ORC5: variants seen among roughly 807,000 people sequenced by gnomAD.
ORC5 encodes the protein protein phosphatase 1, regulatory subunit 117.
In ORC5, 39 loss-of-function variants were observed where a neutral mutation model predicts 58.8. The observed-to-expected ratio is 0.66, with a 90% CI of 0.51 to 0.87. The LOEUF is 0.87. Ranked by LOEUF, ORC5 falls within the 40% of genes least tolerant of loss-of-function variation. The probability of loss-of-function intolerance (pLI) is 0.00; values close to 1 mark genes in which losing one functional copy is unlikely to be tolerated. For synonymous variants in ORC5, 218 were observed against 177.6 expected (o/e 1.23, Z -1.81); for missense variants, 493 against 506.3 (o/e 0.97, Z 0.25).
At chr7:104,204,278 G>C (rs1267461165) in intron 1 of ORC5, 44 bp from the exon 2 acceptor site, 1 of 1,072,394 alleles carries the variant, frequency 9.3e-7, no homozygotes, top group Non-Finnish European at 1.4e-6. Flanking sequence ...ATACAAAATA[G>C]AAAATAAACA....
chr7:104,203,584 T>C (rs775473160), intron 2 of ORC5, among the ~76,000 whole-genome samples: 2 of 152,354 alleles, frequency 1.3e-5, no homozygotes, highest in Middle Eastern at 3.4e-3. Flanking sequence ...GTTGTCACTA[T>C]GAGCCAACTT....
intron 11 of ORC5, among the ~76,000 whole-genome samples, chr7:104,161,673 C>T (rs1465003962): frequency 6.6e-6 from 1 of 151,422 alleles, no homozygotes; most frequent in Admixed American, 6.6e-5. Context: ...CATACCCAGC[C>T]ATGAGCCACC....
At chr7:104,184,214 C>A (rs200547080) in intron 6 of ORC5, 43 bp from the exon 7 acceptor site, 2 of 1,202,456 alleles carry the variant, frequency 1.7e-6, no homozygotes, top group Admixed American at 2.5e-5. Flanking sequence ...AAGCACTGAT[C>A]GATCACAATT....
At chr7:104,151,885 A>C (rs962064201) in intron 12 of ORC5, among the ~76,000 whole-genome samples, 2 of 152,194 alleles carry the variant, frequency 1.3e-5, no homozygotes, top group Non-Finnish European at 2.9e-5. Flanking sequence ...GAATTCAATT[A>C]ACCACCACCA....
chr7:104,152,172 G>A (rs143904049), intron 12 of ORC5, among the ~76,000 whole-genome samples: 2 of 152,190 alleles, frequency 1.3e-5, no homozygotes, highest in African/African-American at 2.4e-5. Context: ...TTGGGGGGAT[G>A]GAGTCTTGCT....
chr7:104,158,036 A>G (rs978937288), intron 12 of ORC5, among the ~76,000 whole-genome samples: 1 of 152,146 alleles, frequency 6.6e-6, no homozygotes, highest in Non-Finnish European at 1.5e-5. Flanking sequence ...ACCCATTTAT[A>G]CATTTCTGTA....
chr7:104,204,210 T>C lies in ORC5; in HGVS notation c.97A>G (p.Ile33Val), dbSNP rs1390064546. 3 of 1,600,092 alleles carry C rather than the reference T, an allele frequency of 1.9e-6. No homozygotes were observed. The African/African-American group carries it at 4.0e-5, about 21-fold the overall frequency. Residue 33 changes from isoleucine to valine, a missense_variant, in exon 2 of 14, where the codon ATT becomes GTT. By Grantham distance (29) the Ile-to-Val change is conservative. Coordinates refer to ENST00000297431, the MANE Select transcript of ORC5 (RefSeq NM_002553.4). ...CTAGCAGTATGTCCATAAATAAAAA[T>C]GGATGGAAAGCTGAAATGATGTCTC... ...GERHHFSFPSIFIYGHTASGK... is the reference protein window; with the variant it reads ...GERHHFSFPSVFIYGHTASGK...
chr7:104,185,799 A>AAT (rs1554355377), intron 6 of ORC5, among the ~76,000 whole-genome samples: 2 of 151,784 alleles, frequency 1.3e-5, no homozygotes, highest in Admixed American at 6.6e-5. Flanking sequence ...ATTTAAAAAA[A>AAT]ATATATATAT....
At chr7:104,167,370 C>T (rs1799125560) in intron 9 of ORC5, among the ~76,000 whole-genome samples, 1 of 152,110 alleles carries the variant, frequency 6.6e-6, no homozygotes, top group African/African-American at 2.4e-5. Flanking sequence ...TCCCTAAATT[C>T]TGAAAAATCA....
chr7:104,187,605 A>G (rs1356176449), intron 6 of ORC5: 1 of 274,462 alleles, frequency 3.6e-6, no homozygotes, highest in Non-Finnish European at 5.5e-6. Context: ...GAAAACAGAA[A>G]TTCTTGTCTC....
At chr7:104,199,644 CT>C in intron 3 of ORC5, among the ~76,000 whole-genome samples, 1 of 152,332 alleles carries the variant, frequency 6.6e-6, no homozygotes, top group East Asian at 1.9e-4. Context: ...AACTAACTTA[CT>C]TTTGATTTTA....
chr7:104,179,960 T>C (rs1799401596), intron 8 of ORC5, among the ~76,000 whole-genome samples: 1 of 152,252 alleles, frequency 6.6e-6, no homozygotes, highest in Non-Finnish European at 1.5e-5. Context: ...TGTTAAAGTC[T>C]AACTCTAAAA....
chr7:104,154,694 GA>G (rs1051715026), intron 12 of ORC5, among the ~76,000 whole-genome samples: 2 of 150,816 alleles, frequency 1.3e-5, no homozygotes, highest in Admixed American at 1.3e-4. Flanking sequence ...TCCAACCATG[GA>G]AAAAAAATAA....
In ORC5 at chr7:104,184,043, A is replaced by G; in HGVS notation, c.734-10T>C. 1 of 1,606,452 alleles carries G rather than the reference A, an allele frequency of 6.2e-7. No individual in the cohort carries two copies. The highest frequency in any genetic ancestry group is 8.5e-7 in the Non-Finnish European group (1 of 1,176,754). The stretch of plus-strand genomic sequence containing the variant: ...GTATCACGTTCACTTGCTACCCCAA[A>G]GGGAAGAAAATTTCAGTAATTTATA... On this transcript the variant is annotated splice_polypyrimidine_tract_variant and intron_variant, in intron 7 of 13. Transcript: ENST00000297431.
chr7:104,152,510 A>T (rs1250255783), intron 12 of ORC5, among the ~76,000 whole-genome samples: 2 of 152,078 alleles, frequency 1.3e-5, no homozygotes, highest in Non-Finnish European at 2.9e-5. Flanking sequence ...TTTATCTCCT[A>T]TCTGTTCTTA....
At chr7:104,141,214 A>G (rs1798667829) in intron 12 of ORC5, among the ~76,000 whole-genome samples, 1 of 152,208 alleles carries the variant, frequency 6.6e-6, no homozygotes. Flanking sequence ...TAAACCCAGC[A>G]GTATGCCTCT....
chr7:104,161,021 A>G, intron 12 of ORC5, 51 bp downstream of exon 12: 1 of 984,932 alleles, frequency 1.0e-6, no homozygotes, highest in South Asian at 1.3e-5. Flanking sequence ...TGACTCTACT[A>G]TCTGAAGAAT....
At chr7:104,171,312 T>C (rs1014340674) in intron 8 of ORC5, among the ~76,000 whole-genome samples, 5 of 152,226 alleles carry the variant, frequency 3.3e-5, no homozygotes, top group East Asian at 3.8e-4. Context: ...TTCCATGTTG[T>C]CTTTTATTCA....
intron 5 of ORC5, 55 bp downstream of exon 5, chr7:104,195,088 C>A: frequency 1.1e-6 from 1 of 889,782 alleles, no homozygotes; most frequent in South Asian, 1.7e-5. Flanking sequence ...ATCTTTCAAA[C>A]AACAAAAACT....
Sources: gnomAD v4.1 joint callset for allele counts (sites outside exome capture counted in the v4.1 genomes callset) on GRCh38, gnomAD v4.1.1 for gene constraint, MANE v1.5 for transcripts, NCBI Gene and HGNC (gene_info 2026-07-23, HGNC 2026-07-21) for gene names.